The following TOP3B variants were observed in gnomAD, a reference collection of about 807,000 sequenced individuals.
TOP3B encodes DNA topoisomerase 3-beta-1.
A neutral mutation model predicts 93.9 loss-of-function variants in TOP3B; 45 were observed. The observed-to-expected ratio is 0.48, with a 90% CI of 0.38 to 0.61. TOP3B has a LOEUF of 0.61. Among genes scored for constraint, TOP3B ranks in the 20% least tolerant of loss-of-function variants. TOP3B has a pLI of 0.00. For synonymous variants in TOP3B, 357 were observed against 472.6 expected (o/e 0.76, Z 3.17); for missense variants, 750 against 1,156.1 (o/e 0.65, Z 5.09).
In TOP3B at chr22:21,962,612, T is replaced by G. The variant is rs201634829; in HGVS notation, c.1352-10A>C. 2,230 of 1,608,588 alleles carry G rather than the reference T, an allele frequency of 1.4e-3. 1 individual carries two copies. Among genetic ancestry groups the G allele is most frequent in the Middle Eastern group, 3.1e-3 (19 of 6,048 alleles). On this transcript the variant is annotated splice_polypyrimidine_tract_variant and intron_variant, in intron 12 of 17. Coordinates refer to ENST00000357179, the MANE Select transcript of TOP3B (RefSeq NM_001282112.2). The stretch of plus-strand genomic sequence containing the variant: ...ATGACCTCCGTGAAGCCTGGAGAGA[T>G]ATGCGCCGCCACTCAGGGTCCCCAG...
chr22:21,971,903 T>C lies in TOP3B; in HGVS notation c.358A>G (p.Lys120Glu), dbSNP rs1479752242. The C allele has an allele frequency of 6.2e-7, 1 of 1,614,040 alleles. No homozygotes were observed. The highest frequency in any genetic ancestry group is 8.5e-7 in the Non-Finnish European group (1 of 1,179,998). ...TCAAAGCAGATGTTCTCCCCCTCCT[T>C]GTCGCAGTCCAGCCACAGCACGATG... ...DYIVLWLDCD[K>E]EGENICFEVL... The change falls in exon 5 of 18, where the codon AAG (lysine) becomes GAG (glutamate). Residue 120 changes from lysine to glutamate, a missense_variant. Transcript: ENST00000357179. This position sits in a 1 kb window ranked among gnomAD's most constrained non-coding sequence, Gnocchi z 4.6.
chr22:21,959,952 A>G (rs930413193), intron 14 of TOP3B: 2 of 683,048 alleles, frequency 2.9e-6, no homozygotes, highest in African/African-American at 1.8e-5. Context: ...TGTCAGGCAG[A>G]GTGGCCAGGG....
At position 21,970,483 on chromosome 22, in the gene TOP3B, G is replaced by A; in HGVS notation, c.385-77C>T. ...GCTCCCCACCCCACTGTGAAGCCTG[G>A]TTCCTTCCAGGAAAGAACACGTGTG... On this transcript the variant is annotated intron_variant, in intron 5 of 17. Coordinates refer to ENST00000357179, the MANE Select transcript of TOP3B (RefSeq NM_001282112.2). The surrounding 1 kb of genome is among the most constrained non-coding windows in gnomAD (Gnocchi z 4.4). 3 of 1,501,244 alleles carry A rather than the reference G, an allele frequency of 2.0e-6. No homozygotes were observed. The highest frequency in any genetic ancestry group is 2.7e-6 in the Non-Finnish European group (3 of 1,102,152). The allele number at this position is 1,501,244 out of a possible 1,614,324, so 93.0% of individuals were successfully genotyped here. A position where few individuals can be genotyped will look rare whatever the true frequency, so the allele number is the denominator to read the frequency against.
chr22:21,974,506 C>A lies in TOP3B; in HGVS notation c.71-18G>T, dbSNP rs776742254. On this transcript the variant is annotated intron_variant, in intron 2 of 17. Transcript: ENST00000357179. The stretch of plus-strand genomic sequence containing the variant: ...CAGGCTCCCTGGGGATGAGGAAGCA[C>A]AAAGTGACTGGCTGCTTCAGCTGAG... The A allele has an allele frequency of 5.0e-6, 8 of 1,587,380 alleles. No homozygotes were observed. The highest frequency in any genetic ancestry group is 6.9e-6 in the Non-Finnish European group (8 of 1,165,238).
At chr22:21,965,259 G>A in intron 9 of TOP3B, 26 bp downstream of exon 9, 1 of 1,545,784 alleles carries the variant, frequency 6.5e-7, no homozygotes, top group Admixed American at 1.9e-5. Flanking sequence ...GCCTTCTGGT[G>A]ACTTGAGAGA....
rs769269069 is a variant in TOP3B at position 21,958,554 on chromosome 22, C to A, written c.2045G>T (p.Gly682Val). Residue 682 changes from glycine to valine, a missense_variant, in exon 17 of 18, where the codon GGC becomes GTC. This residue lies in a region of TOP3B where 737 missense variants were observed against 933.7 expected (regional missense o/e 0.79). Transcript: ENST00000357179. ...GTAGGGGCACAGCGGGTAGCTCTTGCCCCGAGAGCCTGATGACCACAGGAC... is the reference window on the plus strand; with the variant it reads ...GTAGGGGCACAGCGGGTAGCTCTTGACCCGAGAGCCTGATGACCACAGGAC... Reference protein sequence around the residue: ...ELVLWSSGSRGKSYPLCPYCY... With the variant: ...ELVLWSSGSRVKSYPLCPYCY... 1 of 1,614,090 alleles carries A rather than the reference C, an allele frequency of 6.2e-7. No individual in the cohort carries two copies. Among genetic ancestry groups the A allele is most frequent in the South Asian group, 1.1e-5 (1 of 91,084 alleles).
intron 7 of TOP3B, 158 bp downstream of exon 7, chr22:21,968,461 G>A (rs918139113): frequency 3.7e-6 from 3 of 800,318 alleles, no homozygotes; most frequent in Admixed American, 2.8e-5. Context: ...ATGAAGGCTG[G>A]GGTCCCTCAG....
At chr22:21,960,083 C>A (rs529620101) in intron 14 of TOP3B, 2 of 667,104 alleles carry the variant, frequency 3.0e-6, no homozygotes, top group South Asian at 3.9e-5. Context: ...GAGGCAACTT[C>A]GCCTCCCTTT....
chr22:21,957,923 C>T (rs1318531949), intron 17 of TOP3B: 3 of 1,442,556 alleles, frequency 2.1e-6, no homozygotes, highest in Admixed American at 2.1e-5. Context: ...CACATGGAAC[C>T]ACCCTGTCAG....
At chr22:21,977,009 C>T (rs907109233) in intron 1 of TOP3B, 11 of 152,136 alleles carry the variant, frequency 7.2e-5, no homozygotes, top group Non-Finnish European at 1.6e-4. Context: ...AAAACATGTG[C>T]TTTTAAAATA....
chr22:21,982,489 G>A (rs894381944), intron 1 of TOP3B: 4 of 152,232 alleles, frequency 2.6e-5, no homozygotes, highest in African/African-American at 4.8e-5. Flanking sequence ...TAACCACAGC[G>A]CCTGCTCCCT....
chr22:21,972,357 A>C (rs78925128), intron 4 of TOP3B: 16,975 of 468,576 alleles, frequency 0.036, 526 homozygotes, highest in Admixed American at 0.059. Context: ...AAGGAGAAAA[A>C]CCCCCCGACC....
chr22:21,958,756 C>T (rs239919), intron 16 of TOP3B, 63 bp from the exon 17 acceptor site: 253,680 of 1,504,008 alleles, frequency 0.17, 22,771 homozygotes, highest in African/African-American at 0.25. Context: ...CACCCACCCC[C>T]ACTCCTCTCA....
chr22:21,972,880 G>C, intron 3 of TOP3B, 162 bp from the exon 4 acceptor site: 1 of 649,498 alleles, frequency 1.5e-6, no homozygotes, highest in Non-Finnish European at 2.7e-6. Flanking sequence ...CCAGGATGTG[G>C]GTTCAGGCCT....
chr22:21,976,443 T>C (rs550495690), intron 1 of TOP3B: 18 of 152,356 alleles, frequency 1.2e-4, no homozygotes, highest in African/African-American at 4.1e-4. Context: ...AAATCAAATA[T>C]CATCATCGAA....
At chr22:21,979,020 C>T (rs1031629188) in intron 1 of TOP3B, among the ~76,000 whole-genome samples, 1 of 152,004 alleles carries the variant, frequency 6.6e-6, no homozygotes, top group African/African-American at 2.4e-5. Context: ...CACAAGGCTG[C>T]ACTTCTCTTG....
Position 21,971,844 on chromosome 22 carries a change from AAAAGTGAGGAAC to A in TOP3B, c.384+21_384+32del. 1.2e-6 allele frequency: 2 copies of A among 1,611,344 alleles called. No homozygotes were observed. Among genetic ancestry groups the A allele is most frequent in the Non-Finnish European group, 1.7e-6 (2 of 1,177,574 alleles). ...GTTTGGGGCTGGTGTCAGAAAGGCC[AAAAGTGAGGAAC>A]AAAGTGAGCCTCACACTCACCTCAA... is the stretch of plus-strand genomic sequence containing the variant. On this transcript the variant is annotated intron_variant, in intron 5 of 17. Coordinates refer to ENST00000357179, the MANE Select transcript of TOP3B (RefSeq NM_001282112.2). The surrounding 1 kb of genome is among the most constrained non-coding windows in gnomAD (Gnocchi z 4.6).
intron 14 of TOP3B, 160 bp downstream of exon 14, chr22:21,960,161 G>T: frequency 8.9e-7 from 1 of 1,121,372 alleles, no homozygotes; most frequent in South Asian, 1.4e-5. Context: ...GGTCCTGGGG[G>T]TCCTGGGGCA....
At chr22:21,974,219 A>C in intron 3 of TOP3B, 138 bp downstream of exon 3, 1 of 1,114,824 alleles carries the variant, frequency 9.0e-7, no homozygotes, top group Non-Finnish European at 1.2e-6. Context: ...TCTCATTGCT[A>C]CTTCATGATC....
Sources: allele counts gnomAD v4.1 joint callset (sites outside exome capture counted in the v4.1 genomes callset), GRCh38; gene constraint gnomAD v4.1.1; regional missense constraint gnomAD v4.1.1; non-coding constraint Gnocchi (gnomAD v3.1); transcripts MANE v1.5; gene names NCBI Gene and HGNC (gene_info 2026-07-23, HGNC 2026-07-21).